MUC5B: variants seen among roughly 807,000 people sequenced by gnomAD.
The protein encoded by MUC5B is mucin 5B, oligomeric mucus/gel-forming.
In MUC5B, 116 loss-of-function variants were observed where a neutral mutation model predicts 376.9. The observed-to-expected ratio is 0.31, with a 90% CI of 0.26 to 0.36. MUC5B has a LOEUF of 0.36. MUC5B is among the 10% of genes least tolerant of loss of function. The probability of loss-of-function intolerance (pLI) is 1.00; values close to 1 mark genes in which losing one functional copy is unlikely to be tolerated. For missense variants in MUC5B, 7,165 were observed against 7,769.9 expected (o/e 0.92, Z 2.93); for synonymous variants, 3,517 against 3,390.9 (o/e 1.04, Z -1.29).
At chr11:1,236,636 G>A in intron 24 of MUC5B, 74 bp downstream of exon 24, 1 of 1,494,970 alleles carries the variant, frequency 6.7e-7, no homozygotes, top group East Asian at 2.3e-5. Context: ...GCCAGGTGGG[G>A]TCTGTGGGAC....
At chr11:1,256,250 T>C (rs1327056765) in intron 38 of MUC5B, 25 bp downstream of exon 38, 1 of 718,522 alleles carries the variant, frequency 1.4e-6, no homozygotes, top group African/African-American at 1.7e-5. Context: ...GGCTGGTGCC[T>C]TCCCTGCCAC....
At chr11:1,260,499 C>T in intron 47 of MUC5B, 106 bp downstream of exon 47, 1 of 1,487,800 alleles carries the variant, frequency 6.7e-7, no homozygotes, top group South Asian at 1.2e-5. Context: ...ATGCCCGCGT[C>T]CAGACTCCAC....
In MUC5B at chr11:1,231,096, T is replaced by C. The variant is rs1282101952; in HGVS notation, c.1540+91T>C. 11 of 1,309,184 alleles carry C rather than the reference T, an allele frequency of 8.4e-6. No individual in the cohort carries two copies. The Admixed American group carries it at 9.3e-5, about 11-fold the overall frequency. The allele number at this position is 1,309,184 out of a possible 1,614,324, so 81.1% of individuals were successfully genotyped here. ...TGGGCAGCGTCCGCTCCATCCCTGC[T>C]AGTTCTCCGTGGCCTCGGGCAGCTC... On this transcript the variant is annotated intron_variant, in intron 13 of 48. Coordinates refer to ENST00000529681, the MANE Select transcript of MUC5B (RefSeq NM_002458.3).
chr11:1,260,836 TC>T, intron 48 of MUC5B, 108 bp downstream of exon 48: 1 of 797,226 alleles, frequency 1.3e-6, no homozygotes, highest in Non-Finnish European at 2.1e-6. Flanking sequence ...CTACGCCAGC[TC>T]CAGGAAGGAG....
In MUC5B at chr11:1,249,598, C is replaced by A. The variant is rs200770447; in HGVS notation, c.12718C>A (p.Pro4240Thr). ...STPATSSTAM[P>T]SSTPGTTWIL... The stretch of plus-strand genomic sequence containing the variant: ...CCCGGCCACCAGCTCTACGGCCATG[C>A]CCTCCTCCACTCCGGGGACGACCTG... The change falls in exon 31 of 49, where the codon CCC becomes ACC. Residue 4240 changes from proline to threonine, a missense_variant. Coordinates refer to ENST00000529681, the MANE Select transcript of MUC5B (RefSeq NM_002458.3). 1 of 1,611,796 alleles carries A rather than the reference C, an allele frequency of 6.2e-7. No individual in the cohort carries two copies. The highest frequency in any genetic ancestry group is 8.5e-7 in the Non-Finnish European group (1 of 1,178,656).
chr11:1,223,917 C>T (rs1364338465), intron 1 of MUC5B, among the ~76,000 whole-genome samples: 2 of 152,220 alleles, frequency 1.3e-5, no homozygotes, highest in African/African-American at 2.4e-5. Context: ...CCTGCCCCGC[C>T]CTCCACCCCC....
intron 15 of MUC5B, 74 bp downstream of exon 15, chr11:1,232,234 CGGGGACCCCTGGGTGGGATT>C: frequency 6.8e-7 from 1 of 1,475,366 alleles, no homozygotes; most frequent in Non-Finnish European, 9.1e-7. Flanking sequence ...CCCTGGGCCA[CGGGGACCCCTGGGTGGGATT>C]GGGGACCCCA....
chr11:1,252,133 C>T (rs138672951), intron 31 of MUC5B, among the ~76,000 whole-genome samples: 6 of 152,212 alleles, frequency 3.9e-5, no homozygotes, highest in Non-Finnish European at 5.9e-5. Flanking sequence ...ACAATCCATC[C>T]CCACTGGCCA....
At position 1,234,276 on chromosome 11, in the gene MUC5B, C is replaced by T. The variant is rs768745825; in HGVS notation, c.2449C>T (p.Arg817Trp). ...GGGCACCCCTGGGGCCGAGTGCCTC[C>T]GGAGCTGCCACACGCTGGACGTGGG... Reference protein sequence around the residue: ...SAGTPGAECLRSCHTLDVGCF... With the variant: ...SAGTPGAECLWSCHTLDVGCF... Residue 817 changes from arginine (R) to tryptophan (W), a missense_variant, in exon 20 of 49, where the codon CGG becomes TGG. Physicochemically the swap from Arg to Trp is moderately radical, Grantham distance 101 (BLOSUM62 -3). Coordinates refer to ENST00000529681, the MANE Select transcript of MUC5B (RefSeq NM_002458.3). The surrounding 1 kb of genome is among the most constrained non-coding windows in gnomAD (Gnocchi z 6.3). 33 of 1,593,664 alleles carry T rather than the reference C, an allele frequency of 2.1e-5. No individual in the cohort carries two copies. In the Admixed American group the frequency reaches 3.4e-4, roughly 16 times the overall value.
rs775846688 is a variant in MUC5B at position 1,228,783 on chromosome 11, CT to C, written c.976+20del. On this transcript the variant is annotated intron_variant, in intron 8 of 48. Transcript: ENST00000529681. Reference sequence around the variant, plus strand: ...GCTCTGCCGTGAGTGCTCCCAGGGCCTTCGCCAGGGATTGTGCCAGAGAGAA... The same window carrying C: ...GCTCTGCCGTGAGTGCTCCCAGGGCCTCGCCAGGGATTGTGCCAGAGAGAA... 1 of 1,365,638 alleles carries C rather than the reference CT, an allele frequency of 7.3e-7. No homozygotes were observed. The highest frequency in any genetic ancestry group is 1.3e-5 in the South Asian group (1 of 75,530). The allele number at this position is 1,365,638 out of a possible 1,614,324, so 84.6% of individuals were successfully genotyped here.
rs776677028 is a variant in MUC5B, at chr11:1,239,910, C to G, written c.3695C>G (p.Ala1232Gly). The change falls in exon 28 of 49, where the codon GCA becomes GGA. Residue 1232 changes from alanine to glycine, a missense_variant. Around this residue, in one of 31 missense-constraint regions of MUC5B, gnomAD observed 517 missense variants for 545.3 expected, o/e 0.95. Transcript: ENST00000529681. ...DKDGNYYDVG[A>G]RVPTAENCQS... The stretch of plus-strand genomic sequence containing the variant: ...GACGGAAACTACTATGACGTCGGTG[C>G]AAGGGTCCCCACAGCGGAGAACTGC... 25 of 1,613,220 alleles carry G rather than the reference C, an allele frequency of 1.5e-5. 1 individual carries two copies. In the East Asian group the frequency reaches 5.3e-4, roughly 35 times the overall value.
At position 1,226,670 on chromosome 11, in the gene MUC5B, C is replaced by T. The variant is rs752668663; in HGVS notation, c.255C>T (p.Tyr85=). The T allele has an allele frequency of 6.2e-7, 1 of 1,612,424 alleles. No homozygotes were observed. Among genetic ancestry groups the T allele is most frequent in the Non-Finnish European group, 8.5e-7 (1 of 1,179,698 alleles). ...GCAGCACCTGGGGTGACTTCCACTA[C>T]AAGACCTTCGACGGCGACGTCTTCC... ...RVCSTWGDFH[Y]KTFDGDVFRF... The change falls in exon 4 of 49, where the codon TAC becomes TAT. Residue 85 remains tyrosine (Y), a synonymous_variant. Coordinates refer to ENST00000529681, the MANE Select transcript of MUC5B (RefSeq NM_002458.3).
At chr11:1,232,300 G>T in intron 15 of MUC5B, 140 bp downstream of exon 15, 1 of 1,342,244 alleles carries the variant, frequency 7.5e-7, no homozygotes, top group Non-Finnish European at 1.0e-6. Flanking sequence ...GGAGGTGCTT[G>T]GGGCCAGGCG....
intron 34 of MUC5B, 23 bp from the exon 35 acceptor site, chr11:1,254,671 A>G (rs1862787086): frequency 1.2e-6 from 2 of 1,603,368 alleles, no homozygotes; most frequent in East Asian, 2.2e-5. Context: ...CTCCCAGCTC[A>G]GGGTTCCCCT....
chr11:1,260,031 A>C lies in MUC5B; in HGVS notation c.16869A>C (p.Gly5623=). The change falls in exon 46 of 49, where the codon GGA becomes GGC. Residue 5623 remains glycine, a synonymous_variant. Coordinates refer to ENST00000529681, the MANE Select transcript of MUC5B (RefSeq NM_002458.3). ...TGTACCTCTGTGAGGCTGAGGGTGGAGTCCATTTGCTGACCCCACAGCCTG... is the reference window on the plus strand; with the variant it reads ...TGTACCTCTGTGAGGCTGAGGGTGGCGTCCATTTGCTGACCCCACAGCCTG... ...CTVYLCEAEG[G]VHLLTPQPAS... is the part of the protein sequence containing the mutation. 1 of 1,612,762 alleles carries C rather than the reference A, an allele frequency of 6.2e-7. No homozygotes were observed. The highest frequency in any genetic ancestry group is 8.5e-7 in the Non-Finnish European group (1 of 1,179,758).
In MUC5B at chr11:1,259,159, G is replaced by C. The variant is rs1243298375; in HGVS notation, c.16713+98G>C. On this transcript the variant is annotated intron_variant, in intron 44 of 48. Coordinates refer to ENST00000529681, the MANE Select transcript of MUC5B (RefSeq NM_002458.3). The stretch of plus-strand genomic sequence containing the variant: ...CCCCCAGGTGAGACCTGAGTCACCC[G>C]CCCCCAGGTGAGCCCCCGAGGCACC... 3 of 1,268,578 alleles carry C rather than the reference G, an allele frequency of 2.4e-6. No homozygotes were observed. The East Asian group carries it at 7.9e-5, about 33-fold the overall frequency. The allele number at this position is 1,268,578 out of a possible 1,614,324, so 78.6% of individuals were successfully genotyped here. A position where few individuals can be genotyped will look rare whatever the true frequency, so the allele number is the denominator to read the frequency against.
intron 25 of MUC5B, among the ~76,000 whole-genome samples, 179 bp from the exon 26 acceptor site, chr11:1,238,692 A>C (rs767831459): frequency 1.3e-5 from 2 of 152,144 alleles, no homozygotes; most frequent in Non-Finnish European, 2.9e-5. Context: ...GGGCTGGAGA[A>C]GTGCTGGGGC....
At chr11:1,237,273 C>T (rs1387851200) in intron 25 of MUC5B, 109 bp downstream of exon 25, 1 of 1,246,450 alleles carries the variant, frequency 8.0e-7, no homozygotes, top group Non-Finnish European at 1.0e-6. Flanking sequence ...GAGGGTCTGA[C>T]CATGTCCCAC....
intron 14 of MUC5B, among the ~76,000 whole-genome samples, chr11:1,231,772 C>T (rs1862034546): frequency 6.6e-6 from 1 of 152,242 alleles, no homozygotes; most frequent in Non-Finnish European, 1.5e-5. Context: ...GCGGGCAGCC[C>T]TGCCCTGGCT....
Sources: allele counts gnomAD v4.1 joint callset (sites outside exome capture counted in the v4.1 genomes callset), GRCh38; gene constraint gnomAD v4.1.1; regional missense constraint gnomAD v4.1.1; non-coding constraint Gnocchi (gnomAD v3.1); transcripts MANE v1.5; gene names NCBI Gene and HGNC (gene_info 2026-07-23, HGNC 2026-07-21).